The following AGBL1 variants were observed in gnomAD, a reference collection of about 807,000 sequenced individuals.
The protein encoded by AGBL1 is cytosolic carboxypeptidase 4.
In AGBL1, 130 loss-of-function variants were observed where a neutral mutation model predicts 118.9. That is an observed-to-expected ratio of 1.09 (90% CI 0.95 to 1.26). The LOEUF (loss-of-function observed/expected upper bound fraction) is 1.26, where lower values mean the gene tolerates loss of function less well. Ranked by LOEUF, AGBL1 falls within the 50% of genes most tolerant of loss-of-function variation. The pLI is 0.00. For missense variants in AGBL1, 1,584 were observed against 1,298.1 expected (o/e 1.22, Z -3.38); for synonymous variants, 555 against 478.9 (o/e 1.16, Z -2.08).
chr15:86,677,171 A>G (rs2085863701), intron 22 of AGBL1, among the ~76,000 whole-genome samples: 1 of 152,162 alleles, frequency 6.6e-6, no homozygotes, highest in South Asian at 2.1e-4. Context: ...TTCATGCTTC[A>G]TTTACCATAA....
chr15:86,540,385 G>T (rs1404019871), intron 19 of AGBL1, among the ~76,000 whole-genome samples: 1 of 152,148 alleles, frequency 6.6e-6, no homozygotes, highest in Admixed American at 6.5e-5. Flanking sequence ...CCTGAGCTCA[G>T]GAGTTTGAGA....
intron 21 of AGBL1, among the ~76,000 whole-genome samples, chr15:86,624,423 T>C (rs17683342): frequency 0.077 from 11,795 of 152,278 alleles, 607 homozygotes; most frequent in Non-Finnish European, 0.09. Context: ...GTGCCATGGT[T>C]TGAGTAAGGG....
At chr15:86,644,024 T>C (rs1046321873) in intron 21 of AGBL1, among the ~76,000 whole-genome samples, 37 of 152,166 alleles carry the variant, frequency 2.4e-4, no homozygotes, top group African/African-American at 8.7e-4. Flanking sequence ...AACAAAAAAT[T>C]TTAAACTATT....
At chr15:86,373,703 G>A (rs930958486) in intron 17 of AGBL1, among the ~76,000 whole-genome samples, 1 of 152,178 alleles carries the variant, frequency 6.6e-6, no homozygotes, top group African/African-American at 2.4e-5. Context: ...CAGAGGAAAA[G>A]CTGTAGGCAA....
chr15:86,290,927 G>A (rs1300945288), intron 16 of AGBL1, among the ~76,000 whole-genome samples: 3 of 151,682 alleles, frequency 2.0e-5, no homozygotes, highest in African/African-American at 7.3e-5. Context: ...ACCTATAAGT[G>A]AGAATATGCG....
intron 18 of AGBL1, among the ~76,000 whole-genome samples, chr15:86,401,526 A>G (rs1252112374): frequency 6.6e-6 from 1 of 152,070 alleles, no homozygotes; most frequent in Non-Finnish European, 1.5e-5. Flanking sequence ...TCTTTGCCTA[A>G]GCCAATGCCT....
At position 86,257,218 on chromosome 15, in the gene AGBL1, G is replaced by A. The variant is rs182511429; in HGVS notation, c.901+200G>A. 3.3e-5 allele frequency among the ~76,000 whole-genome samples: 5 copies of A among 152,186 alleles called. No individual in the cohort carries two copies. In the East Asian group the frequency reaches 9.6e-4, roughly 29 times the overall value. ...TTCATAAACAGAAAAAACCAAGCTC[G>A]CTTATTTTGTTCTTCATTATTAACT... On this transcript the variant is annotated intron_variant, in intron 8 of 22. Coordinates refer to ENST00000614907, the MANE Select transcript of AGBL1 (RefSeq NM_001386094.1).
chr15:86,491,122 A>G (rs1377216578), intron 18 of AGBL1, among the ~76,000 whole-genome samples: 3 of 152,084 alleles, frequency 2.0e-5, no homozygotes, highest in Non-Finnish European at 2.9e-5. Context: ...GGTATGGAGC[A>G]TGTGGGATTC....
At chr15:86,946,462 A>G (rs964681044) in intron 23 of AGBL1, 4 of 152,094 alleles carry the variant, frequency 2.6e-5, no homozygotes, top group African/African-American at 7.2e-5. Context: ...CTTTCCATAC[A>G]TGAACACATG....
At chr15:86,917,778 A>G (rs2080442220), downstream of AGBL1, among the ~76,000 whole-genome samples, 1 of 103,710 alleles carries the variant, frequency 9.6e-6, no homozygotes, top group African/African-American at 3.0e-5. The surrounding 1 kb of genome is among the most constrained non-coding windows in gnomAD (Gnocchi z 4.8). Flanking sequence ...CTGGGAGAGA[A>G]GGAGAGAGAG....
intron 6 of AGBL1, among the ~76,000 whole-genome samples, chr15:86,237,491 T>C (rs2078571673): frequency 6.6e-6 from 1 of 152,176 alleles, no homozygotes; most frequent in South Asian, 2.1e-4. Context: ...TCTGATTTTC[T>C]TCTTCTTGAT....
chr15:86,753,677 C>T (rs1409920123), intron 22 of AGBL1, among the ~76,000 whole-genome samples: 3 of 152,046 alleles, frequency 2.0e-5, no homozygotes, highest in South Asian at 2.1e-4. Context: ...GGAGTACAGG[C>T]GTAAGCCACT....
At chr15:86,106,480 C>G (rs188276784) in intron 1 of AGBL1, among the ~76,000 whole-genome samples, 1,760 of 152,290 alleles carry the variant, frequency 0.012, 26 homozygotes, top group South Asian at 0.039. Flanking sequence ...AGTGGCTGTT[C>G]CAGGGCAATT....
chr15:86,584,067 G>A (rs1433819618), intron 21 of AGBL1, among the ~76,000 whole-genome samples: 2 of 151,938 alleles, frequency 1.3e-5, no homozygotes, highest in Non-Finnish European at 2.9e-5. Flanking sequence ...TAAGTTCCTT[G>A]TAAATTCTGG....
At chr15:86,636,244 C>T (rs887549358) in intron 21 of AGBL1, among the ~76,000 whole-genome samples, 17 of 152,006 alleles carry the variant, frequency 1.1e-4, no homozygotes, top group African/African-American at 3.9e-4. Flanking sequence ...CTGGAAGGAG[C>T]CTGTTAGCAA....
chr15:86,755,247 C>T (rs1000713768), intron 22 of AGBL1, among the ~76,000 whole-genome samples: 1 of 152,016 alleles, frequency 6.6e-6, no homozygotes. Flanking sequence ...GCTGGTTCAA[C>T]CCATCCCTGC....
intron 21 of AGBL1, among the ~76,000 whole-genome samples, chr15:86,629,415 A>G (rs2084932871): frequency 6.6e-6 from 1 of 152,186 alleles, no homozygotes; most frequent in African/African-American, 2.4e-5. Flanking sequence ...TTATCTGCAT[A>G]TCGGTCAGTC....
At chr15:86,823,268 AG>A (rs2078966189) in intron 22 of AGBL1, among the ~76,000 whole-genome samples, 1 of 152,102 alleles carries the variant, frequency 6.6e-6, no homozygotes, top group African/African-American at 2.4e-5. Flanking sequence ...CTTGAGAGAA[AG>A]GGTGGGACAT....
At chr15:86,517,438 G>T (rs1439380612) in intron 18 of AGBL1, among the ~76,000 whole-genome samples, 2 of 152,178 alleles carry the variant, frequency 1.3e-5, no homozygotes, top group African/African-American at 2.4e-5. Context: ...AGGGCATAAA[G>T]AACTATTTTG....
Sources: allele counts gnomAD v4.1 joint callset (sites outside exome capture counted in the v4.1 genomes callset), GRCh38; gene constraint gnomAD v4.1.1; non-coding constraint Gnocchi (gnomAD v3.1); transcripts MANE v1.5; gene names NCBI Gene and HGNC (gene_info 2026-07-23, HGNC 2026-07-21).